The following CELF2 variants were observed in gnomAD, a reference collection of about 807,000 sequenced individuals.
The protein encoded by CELF2 is CUG triplet repeat RNA-binding protein 2.
A neutral mutation model predicts 62.6 loss-of-function variants in CELF2; 8 were observed. That is an observed-to-expected ratio of 0.13 (90% confidence interval 0.07 to 0.23). The LOEUF is 0.23. Ranked by LOEUF, CELF2 falls within the 10% of genes least tolerant of loss-of-function variation. The pLI, the probability that CELF2 is intolerant of heterozygous loss-of-function variation, is 1.00. For synonymous variants in CELF2, 258 were observed against 250.0 expected (o/e 1.03, Z -0.30); for missense variants, 333 against 671.0 (o/e 0.50, Z 5.56).
At chr10:11,013,847 A>G (rs1392492674), upstream of CELF2, among the ~76,000 whole-genome samples, 1 of 152,252 alleles carries the variant, frequency 6.6e-6, no homozygotes, top group Non-Finnish European at 1.5e-5. This position sits in a 1 kb window ranked among gnomAD's most constrained non-coding sequence, Gnocchi z 4.1. Context: ...AAGAAGAGAT[A>G]GGCTTACAAT....
intron 1 of CELF2, among the ~76,000 whole-genome samples, chr10:11,155,567 T>C (rs1340702761): frequency 5.3e-5 from 8 of 152,226 alleles, no homozygotes. Flanking sequence ...TTCTGTCTGC[T>C]CTAAGATCAT....
chr10:11,194,874 G>A (rs970246893), intron 2 of CELF2, among the ~76,000 whole-genome samples: 2 of 152,140 alleles, frequency 1.3e-5, no homozygotes, highest in Admixed American at 6.5e-5. Flanking sequence ...GTACCATCTG[G>A]GTTACAAAAA....
chr10:11,040,375 A>G (rs1417761963), intron 1 of CELF2, among the ~76,000 whole-genome samples: 2 of 152,242 alleles, frequency 1.3e-5, no homozygotes, highest in Admixed American at 1.3e-4. Context: ...CTATAATAAC[A>G]TCTTCACAGC....
chr10:10,754,430 G>A, the CELF2 span, among the ~76,000 whole-genome samples: 1 of 152,080 alleles, frequency 6.6e-6, no homozygotes, highest in Non-Finnish European at 1.5e-5. Flanking sequence ...GGGATTCCAA[G>A]GATAAGCCAA....
intron 9 of CELF2, among the ~76,000 whole-genome samples, chr10:11,289,339 CT>C (rs1337128704): frequency 1.3e-5 from 2 of 152,180 alleles, no homozygotes; most frequent in Non-Finnish European, 2.9e-5. Context: ...CCATGACCCC[CT>C]ATCAGCTGCG....
At chr10:10,865,800 T>C (rs1379074926) in intron 1 of CELF2, among the ~76,000 whole-genome samples, 1 of 151,994 alleles carries the variant, frequency 6.6e-6, no homozygotes, top group Non-Finnish European at 1.5e-5. Flanking sequence ...AGGCACTATG[T>C]GAAAACTTAA....
chr10:10,957,540 C>G lies in CELF2; in HGVS notation c.89+37541C>G, dbSNP rs2049034570. Among the ~76,000 whole-genome samples, 1 of 152,178 alleles carries G rather than the reference C, an allele frequency of 6.6e-6. No homozygotes were observed. Among genetic ancestry groups the G allele is most frequent in the South Asian group, 2.1e-4 (1 of 4,824 alleles). On this transcript the variant is annotated intron_variant, in intron 2 of 13. Coordinates refer to the CELF2 transcript ENST00000636488. This position sits in a 1 kb window ranked among gnomAD's most constrained non-coding sequence, Gnocchi z 4.1. ...CATTTGTTCCATCGATTGCTTCAGT[C>G]TTTCTTTCTCCCCATCCCTCCCCTC...
chr10:10,747,881 T>C, the CELF2 span, among the ~76,000 whole-genome samples: 1 of 152,178 alleles, frequency 6.6e-6, no homozygotes, highest in African/African-American at 2.4e-5. Flanking sequence ...TAATTTATTT[T>C]TACTTCTCTT....
intron 3 of CELF2, among the ~76,000 whole-genome samples, chr10:11,228,787 A>C (rs1461299500): frequency 1.3e-5 from 2 of 151,916 alleles, no homozygotes; most frequent in East Asian, 1.9e-4. Context: ...TCAGTCACTG[A>C]GTTAACCTGA....
In CELF2 at chr10:11,235,872, C is replaced by T. The variant is rs1044586771; in HGVS notation, c.355-13281C>T. ...AAAAACAGATATTTAATCATTTTTG[C>T]TTAAACGTGAGTAAGAATGGGGAAT... On this transcript the variant is annotated intron_variant, in intron 3 of 12. Coordinates refer to ENST00000633077, the MANE Select transcript of CELF2 (RefSeq NM_001326342.2). Among the ~76,000 whole-genome samples, 4 of 152,004 alleles carry T rather than the reference C, an allele frequency of 2.6e-5. No individual in the cohort carries two copies. In the South Asian group the frequency reaches 6.2e-4, roughly 24 times the overall value.
chr10:11,146,092 C>G (rs749748944), intron 1 of CELF2, among the ~76,000 whole-genome samples: 20 of 152,140 alleles, frequency 1.3e-4, no homozygotes, highest in Non-Finnish European at 2.5e-4. Flanking sequence ...GATCCCAGCC[C>G]AGGATTGCAT....
chr10:10,670,518 T>G, the CELF2 span, among the ~76,000 whole-genome samples: 4 of 152,136 alleles, frequency 2.6e-5, no homozygotes, highest in Non-Finnish European at 5.9e-5. Context: ...TGCCCCCACA[T>G]TTGCATAGCC....
At chr10:10,942,056 T>C (rs891380113) in intron 2 of CELF2, among the ~76,000 whole-genome samples, 1 of 151,876 alleles carries the variant, frequency 6.6e-6, no homozygotes, top group Non-Finnish European at 1.5e-5. Context: ...TTATCATGTA[T>C]CATGCTTGAA....
intron 11 of CELF2, among the ~76,000 whole-genome samples, 170 bp from the exon 12 acceptor site, chr10:11,325,666 C>T (rs899921872): frequency 2.0e-5 from 3 of 152,238 alleles, no homozygotes; most frequent in Non-Finnish European, 4.4e-5. Context: ...TCAGGAAAAT[C>T]TGAAGGATGA....
At chr10:11,283,986 G>C (rs374550957) in intron 8 of CELF2, among the ~76,000 whole-genome samples, 21 of 132,328 alleles carry the variant, frequency 1.6e-4, no homozygotes, top group South Asian at 5.1e-4. Flanking sequence ...GGATGAGTGT[G>C]TGGTGAGTGG....
the CELF2 span, among the ~76,000 whole-genome samples, chr10:10,483,504 A>C: frequency 6.6e-6 from 1 of 152,196 alleles, no homozygotes; most frequent in African/African-American, 2.4e-5. Context: ...AAAATGTTCT[A>C]TTAGCCAATT....
intron 1 of CELF2, among the ~76,000 whole-genome samples, chr10:11,009,703 A>G (rs748295255): frequency 2.9e-4 from 44 of 152,320 alleles, no homozygotes; most frequent in Non-Finnish European, 5.6e-4. Context: ...GCTGTTTAGG[A>G]TGGTGATGAA....
chr10:11,211,296 T>G lies in CELF2; in HGVS notation c.272-6129T>G, dbSNP rs749571864. 3.3e-5 allele frequency among the ~76,000 whole-genome samples: 5 copies of G among 152,214 alleles called. No individual in the cohort carries two copies. Among genetic ancestry groups the G allele is most frequent in the Non-Finnish European group, 1.5e-5 (1 of 68,034 alleles). On this transcript the variant is annotated intron_variant, in intron 2 of 12. Coordinates refer to ENST00000633077, the MANE Select transcript of CELF2 (RefSeq NM_001326342.2). This position sits in a 1 kb window ranked among gnomAD's most constrained non-coding sequence, Gnocchi z 4.8. ...CCTGTCTCTTAAAACAAAAATTGCT[T>G]TGTCCATATATTAGAGTCAAGGAAT...
chr10:11,317,064 GATTTT>G (rs1478389217), intron 10 of CELF2: 1 of 152,010 alleles, frequency 6.6e-6, no homozygotes, highest in Non-Finnish European at 1.5e-5. Flanking sequence ...GTCTGTATCT[GATTTT>G]ATGTGTTTCA....
Sources: gnomAD v4.1 joint callset for allele counts (sites outside exome capture counted in the v4.1 genomes callset) on GRCh38, gnomAD v4.1.1 for gene constraint, Gnocchi (gnomAD v3.1) non-coding constraint, MANE v1.5 for transcripts, NCBI Gene and HGNC (gene_info 2026-07-23, HGNC 2026-07-21) for gene names.